The following CD14 variants were observed in gnomAD, a reference collection of about 807,000 sequenced individuals.
The protein encoded by CD14 is monocyte differentiation antigen CD14.
CD14 carries 4 observed loss-of-function variants against 2.5 expected under a neutral mutation model. The ratio of observed to expected loss-of-function variants is 1.63; its 90% CI spans 0.80 to 3.72. The LOEUF is 3.72. CD14 is among the 30% of genes most tolerant of loss of function. The pLI is 0.01. For missense variants in CD14, 478 were observed against 497.8 expected (o/e 0.96, Z 0.38); for synonymous variants, 236 against 235.1 (o/e 1.00, Z -0.04).
chr5:140,633,063 A>G lies in CD14; in HGVS notation c.3+6T>C. The G allele has an allele frequency of 6.2e-7, 1 of 1,613,704 alleles. No individual in the cohort carries two copies. The highest frequency in any genetic ancestry group is 2.2e-5 in the East Asian group (1 of 44,856). On this transcript the variant is annotated splice_donor_region_variant and intron_variant, in intron 1 of 1. Transcript: ENST00000302014. ...CACGCGTTCGACCCCAAGACCCTACACTCACCATGGTCGATAAGTCTTCCG... is the reference window on the plus strand; with the variant it reads ...CACGCGTTCGACCCCAAGACCCTACGCTCACCATGGTCGATAAGTCTTCCG...
chr5:140,633,186 G>T, upstream of CD14: 1 of 1,341,186 alleles, frequency 7.5e-7, no homozygotes, highest in Non-Finnish European at 1.0e-6. Context: ...GAACTCTTCG[G>T]CTGCCTCTGA....
At position 140,632,959 on chromosome 5, in the gene CD14, G is replaced by GCAA. The variant is rs758551783; in HGVS notation, c.22_24dup (p.Leu12dup). On this transcript the variant is annotated inframe_insertion, in exon 2 of 2. Coordinates refer to ENST00000302014, the MANE Select transcript of CD14 (RefSeq NM_000591.4). This position sits in a 1 kb window ranked among gnomAD's most constrained non-coding sequence, Gnocchi z 6.2. ...ACGTGCACCAGCGGCAGCAGCAGCA[G>GCAA]CAACAAGCAGGACGCGCGCTCCTGG... 1 of 1,614,126 alleles carries GCAA rather than the reference G, an allele frequency of 6.2e-7. No homozygotes were observed. The highest frequency in any genetic ancestry group is 1.1e-5 in the South Asian group (1 of 91,080).
rs11556179 is a variant in CD14, at chr5:140,631,963, C to A, written c.1021G>T (p.Glu341Ter). 2 of 1,613,654 alleles carry A rather than the reference C, an allele frequency of 1.2e-6. No homozygotes were observed. Among genetic ancestry groups the A allele is most frequent in the Non-Finnish European group, 1.7e-6 (2 of 1,179,612 alleles). Reference protein sequence around the residue: ...FLVPGTALPHEGSMNSGVVPA... With the variant: ...FLVPGTALPH Reference sequence around the variant, plus strand: ...ACCACGCCGGAGTTCATTGAGCCCTCGTGGGGGAGGGCAGTTCCAGGGACC... The same window carrying A: ...ACCACGCCGGAGTTCATTGAGCCCTAGTGGGGGAGGGCAGTTCCAGGGACC... The change falls in exon 2 of 2, where the codon GAG becomes TAG. Residue 341 changes from glutamate to a stop codon, truncating the protein, a stop_gained. Coordinates refer to ENST00000302014, the MANE Select transcript of CD14 (RefSeq NM_000591.4). LOFTEE classifies it low-confidence loss of function (END_TRUNC).
At position 140,631,877 on chromosome 5, in the gene CD14, T is replaced by C; in HGVS notation, c.1107A>G (p.Gln369=). 4 of 1,572,760 alleles carry C rather than the reference T, an allele frequency of 2.5e-6. No homozygotes were observed. Among genetic ancestry groups the C allele is most frequent in the Non-Finnish European group, 3.5e-6 (4 of 1,154,904 alleles). The stretch of plus-strand genomic sequence containing the variant: ...GATCTTAGGCAAAGCCCCGGGCCCC[T>C]TGGAGCAGCACCAGGGTTCCCGACA... ...VGVSGTLVLL[Q]GARGFA Residue 369 remains glutamine (Q), a synonymous_variant, in exon 2 of 2, where the codon CAA becomes CAG. Transcript: ENST00000302014.
rs755800526 is a variant in CD14, at chr5:140,632,725, T to C, written c.259A>G (p.Lys87Glu). The change falls in exon 2 of 2, where the codon AAG (lysine) becomes GAG (glutamate). Residue 87 changes from lysine to glutamate, a missense_variant. Lys to Glu is a moderately conservative substitution (Grantham distance 56). Coordinates refer to ENST00000302014, the MANE Select transcript of CD14 (RefSeq NM_000591.4). The surrounding 1 kb of genome is among the most constrained non-coding windows in gnomAD (Gnocchi z 6.2). ...GTGAGCCGCCGCACGCGGAGAGCCT[T>C]GACCGTGTCAGCATACTGCCGCGGG... is the stretch of plus-strand genomic sequence containing the variant. ...ADPRQYADTV[K>E]ALRVRRLTVG... 1 of 1,613,756 alleles carries C rather than the reference T, an allele frequency of 6.2e-7. No homozygotes were observed. Among genetic ancestry groups the C allele is most frequent in the Non-Finnish European group, 8.5e-7 (1 of 1,180,012 alleles).
In CD14 at chr5:140,632,738, A is replaced by C; in HGVS notation, c.246T>G (p.Tyr82Ter). 6.2e-7 allele frequency: 1 copy of C among 1,613,642 alleles called. No homozygotes were observed. The highest frequency in any genetic ancestry group is 8.5e-7 in the Non-Finnish European group (1 of 1,179,978). ...RVDADADPRQ[Y>*]ADTVKALRVR... ...CGCGGAGAGCCTTGACCGTGTCAGC[A>C]TACTGCCGCGGGTCGGCGTCCGCAT... Residue 82 changes from tyrosine to a stop codon, truncating the protein, a stop_gained, in exon 2 of 2, where the codon TAT (tyrosine) becomes TAG (stop). Coordinates refer to ENST00000302014, the MANE Select transcript of CD14 (RefSeq NM_000591.4). LOFTEE classifies it low-confidence loss of function (END_TRUNC). This position sits in a 1 kb window ranked among gnomAD's most constrained non-coding sequence, Gnocchi z 6.2.
At position 140,632,594 on chromosome 5, in the gene CD14, G is replaced by A; in HGVS notation, c.390C>T (p.Gly130=). Residue 130 remains glycine (G), a synonymous_variant, in exon 2 of 2, where the codon GGC becomes GGT. Coordinates refer to ENST00000302014, the MANE Select transcript of CD14 (RefSeq NM_000591.4). This position sits in a 1 kb window ranked among gnomAD's most constrained non-coding sequence, Gnocchi z 6.2. ...CTTCCAGAGGCAGCGGAGGCATGGT[G>A]CCGGTTATCTTTAGGTCCTCGAGCG... is the stretch of plus-strand genomic sequence containing the variant. ...ELTLEDLKIT[G]TMPPLPLEAT... The A allele has an allele frequency of 6.2e-7, 1 of 1,613,996 alleles. No homozygotes were observed.
At position 140,631,792 on chromosome 5, in the gene CD14, C is replaced by A; in HGVS notation, c.*64G>T. ...GTTGAATTGGTCGAAAAGTCCTCAA[C>A]GTCCTGACGGGACTCCCCTGAAGCC... On this transcript the variant is annotated 3_prime_UTR_variant, in exon 2 of 2. Coordinates refer to ENST00000302014, the MANE Select transcript of CD14 (RefSeq NM_000591.4). 6.9e-7 allele frequency: 1 copy of A among 1,442,318 alleles called. No homozygotes were observed. Among genetic ancestry groups the A allele is most frequent in the Non-Finnish European group, 9.4e-7 (1 of 1,066,316 alleles). The allele number at this position is 1,442,318 out of a possible 1,614,324, so 89.3% of individuals were successfully genotyped here. A position where few individuals can be genotyped will look rare whatever the true frequency, so the allele number is the denominator to read the frequency against.
Position 140,632,973 on chromosome 5 carries a change from G to T in CD14, c.11C>A (p.Ala4Glu). The change falls in exon 2 of 2, where the codon GCG (alanine) becomes GAG (glutamate). Residue 4 changes from alanine (A) to glutamate (E), a missense_variant. By Grantham distance (107) the Ala-to-Glu change is moderately radical. Coordinates refer to ENST00000302014, the MANE Select transcript of CD14 (RefSeq NM_000591.4). This position sits in a 1 kb window ranked among gnomAD's most constrained non-coding sequence, Gnocchi z 6.2. ...CAGCAGCAGCAGCAACAAGCAGGACGCGCGCTCCTGGGGAGAGAGCAGAGG... is the reference window on the plus strand; with the variant it reads ...CAGCAGCAGCAGCAACAAGCAGGACTCGCGCTCCTGGGGAGAGAGCAGAGG... MER[A>E]SCLLLLLLPL... 6.2e-7 allele frequency: 1 copy of T among 1,614,108 alleles called. No homozygotes were observed. Among genetic ancestry groups the T allele is most frequent in the East Asian group, 2.2e-5 (1 of 44,876 alleles).
Position 140,632,618 on chromosome 5 carries a change from C to T in CD14, c.366G>A (p.Thr122=). Residue 122 remains threonine (T), a synonymous_variant, in exon 2 of 2, where the codon ACG becomes ACA. Coordinates refer to ENST00000302014, the MANE Select transcript of CD14 (RefSeq NM_000591.4). This position sits in a 1 kb window ranked among gnomAD's most constrained non-coding sequence, Gnocchi z 6.2. ...TGCCGGTTATCTTTAGGTCCTCGAG[C>T]GTCAGTTCCTTGAGGCGGGAGTACG... The part of the protein sequence containing the change: ...VLAYSRLKEL[T]LEDLKITGTM... 1.9e-6 allele frequency: 3 copies of T among 1,613,908 alleles called. No individual in the cohort carries two copies. The highest frequency in any genetic ancestry group is 2.2e-5 in the South Asian group (2 of 91,090).
Position 140,632,155 on chromosome 5 carries a change from C to G in CD14, c.829G>C (p.Ala277Pro). The change falls in exon 2 of 2, where the codon GCC becomes CCC. Residue 277 changes from alanine to proline, a missense_variant. By Grantham distance (27) the Ala-to-Pro change is conservative. Coordinates refer to ENST00000302014, the MANE Select transcript of CD14 (RefSeq NM_000591.4). This position sits in a 1 kb window ranked among gnomAD's most constrained non-coding sequence, Gnocchi z 6.2. ...PSAPRCMWSS[A>P]LNSLNLSFAG... ...AACGACAGATTGAGGGAGTTCAGGG[C>G]GCTGGACCACATGCATCTCGGAGCG... 6.2e-7 allele frequency: 1 copy of G among 1,614,098 alleles called. No homozygotes were observed. The highest frequency in any genetic ancestry group is 1.1e-5 in the South Asian group (1 of 91,078).
rs1194300146 is a variant in CD14 at position 140,632,781 on chromosome 5, G to T, written c.203C>A (p.Pro68Gln). ...EIHAGGLNLEPFLKRVDADAD... is the reference protein window; with the variant it reads ...EIHAGGLNLEQFLKRVDADAD... ...GTCCGCATCGACGCGCTTTAGAAAC[G>T]GCTCTAGGTTGAGACCGCCGGCATG... The change falls in exon 2 of 2, where the codon CCG becomes CAG. Residue 68 changes from proline to glutamine, a missense_variant. By Grantham distance (76) the Pro-to-Gln change is moderately conservative (BLOSUM62 -1). Coordinates refer to ENST00000302014, the MANE Select transcript of CD14 (RefSeq NM_000591.4). The surrounding 1 kb of genome is among the most constrained non-coding windows in gnomAD (Gnocchi z 6.2). The T allele has an allele frequency of 6.2e-7, 1 of 1,613,506 alleles. No individual in the cohort carries two copies. The highest frequency in any genetic ancestry group is 8.5e-7 in the Non-Finnish European group (1 of 1,180,006).
chr5:140,632,776 G>A lies in CD14; in HGVS notation c.208C>T (p.Leu70=). 6.2e-7 allele frequency: 1 copy of A among 1,613,496 alleles called. No individual in the cohort carries two copies. The highest frequency in any genetic ancestry group is 8.5e-7 in the Non-Finnish European group (1 of 1,180,010). ...HAGGLNLEPF[L]KRVDADADPR... ...TCGGCGTCCGCATCGACGCGCTTTA[G>A]AAACGGCTCTAGGTTGAGACCGCCG... Residue 70 remains leucine (L), a synonymous_variant, in exon 2 of 2, where the codon CTA becomes TTA. Transcript: ENST00000302014. This position sits in a 1 kb window ranked among gnomAD's most constrained non-coding sequence, Gnocchi z 6.2.
In CD14 at chr5:140,631,754, G is replaced by A. The variant is rs1189123527; in HGVS notation, c.*102C>T. The A allele has an allele frequency of 1.8e-6, 2 of 1,087,458 alleles. No individual in the cohort carries two copies. The highest frequency in any genetic ancestry group is 2.3e-5 in the Admixed American group (1 of 43,232). 67.4% of individuals were successfully genotyped at this position (1,087,458 alleles called of 1,614,324 possible). A position where few individuals can be genotyped will look rare whatever the true frequency, so the allele number is the denominator to read the frequency against. On this transcript the variant is annotated 3_prime_UTR_variant, in exon 2 of 2. Coordinates refer to ENST00000302014, the MANE Select transcript of CD14 (RefSeq NM_000591.4). ...ACCCGTTGTTTAAGATTTTAATAAA[G>A]GTGGGGCAAAGGGTTGAATTGGTCG...
chr5:140,632,321 G>A lies in CD14; in HGVS notation c.663C>T (p.Phe221=), dbSNP rs757527303. 6.2e-7 allele frequency: 1 copy of A among 1,613,930 alleles called. No individual in the cohort carries two copies. Among genetic ancestry groups the A allele is most frequent in the African/African-American group, 1.3e-5 (1 of 74,948 alleles). The change falls in exon 2 of 2, where the codon TTC becomes TTT. Residue 221 remains phenylalanine, a synonymous_variant. Coordinates refer to ENST00000302014, the MANE Select transcript of CD14 (RefSeq NM_000591.4). This position sits in a 1 kb window ranked among gnomAD's most constrained non-coding sequence, Gnocchi z 6.2. ...GCAGCGCTAGATTCTGGATGGCCGG[G>A]AACTTGTGGGGACAGAGAGCCGCCA... ...GLMAALCPHK[F]PAIQNLALRN...
At chr5:140,633,546 ATC>A (rs1756690311), upstream of CD14, 1 of 201,810 alleles carries the variant, frequency 5.0e-6, no homozygotes, top group Admixed American at 5.2e-5. Context: ...ATCCCAGAGA[ATC>A]TACTTGATTC....
chr5:140,632,078 G>A lies in CD14; in HGVS notation c.906C>T (p.Leu302=), dbSNP rs766169734. 2.4e-5 allele frequency: 38 copies of A among 1,614,084 alleles called. No individual in the cohort carries two copies. Among genetic ancestry groups the A allele is most frequent in the African/African-American group, 4.0e-5 (3 of 74,928 alleles). ...TGTTCAGTCTGTTGCAGCTGAGATC[G>A]AGCACTCTGAGCTTGGCTGGCAGTC... The part of the protein sequence containing the change: ...PKGLPAKLRV[L]DLSCNRLNRA... The change falls in exon 2 of 2, where the codon CTC becomes CTT. Residue 302 remains leucine (L), a synonymous_variant. Coordinates refer to ENST00000302014, the MANE Select transcript of CD14 (RefSeq NM_000591.4). This position sits in a 1 kb window ranked among gnomAD's most constrained non-coding sequence, Gnocchi z 6.2.
rs1192302612 is a variant in CD14 at position 140,632,310 on chromosome 5, T to C, written c.674A>G (p.Gln225Arg). ...TCCTGTGTTGCGCAGCGCTAGATTC[T>C]GGATGGCCGGGAACTTGTGGGGACA... ...ALCPHKFPAI[Q>R]NLALRNTGME... Residue 225 changes from glutamine to arginine, a missense_variant, in exon 2 of 2, where the codon CAG (glutamine) becomes CGG (arginine). Physicochemically the swap from Gln to Arg is conservative, Grantham distance 43 (BLOSUM62 1). Coordinates refer to ENST00000302014, the MANE Select transcript of CD14 (RefSeq NM_000591.4). This position sits in a 1 kb window ranked among gnomAD's most constrained non-coding sequence, Gnocchi z 6.2. 2 of 1,614,020 alleles carry C rather than the reference T, an allele frequency of 1.2e-6. No homozygotes were observed. The highest frequency in any genetic ancestry group is 2.2e-5 in the East Asian group (1 of 44,878).
chr5:140,632,180 G>A lies in CD14; in HGVS notation c.804C>T (p.Ser268=). 1.2e-6 allele frequency: 2 copies of A among 1,613,912 alleles called. No homozygotes were observed. ...HNSLRATVNP[S]APRCMWSSAL... is the part of the protein sequence containing the mutation. ...CGCTGGACCACATGCATCTCGGAGC[G>A]CTAGGGTTTACGGTGGCGCGCAGCG... The change falls in exon 2 of 2, where the codon AGC becomes AGT. Residue 268 remains serine, a synonymous_variant. Coordinates refer to ENST00000302014, the MANE Select transcript of CD14 (RefSeq NM_000591.4). This position sits in a 1 kb window ranked among gnomAD's most constrained non-coding sequence, Gnocchi z 6.2.
Sources: gnomAD v4.1 joint callset for allele counts on GRCh38, gnomAD v4.1.1 for gene constraint, Gnocchi (gnomAD v3.1) non-coding constraint, MANE v1.5 for transcripts, NCBI Gene and HGNC (gene_info 2026-07-23, HGNC 2026-07-21) for gene names.